Variants in ZSCAN5A observed in about 807,000 individuals in gnomAD.
ZSCAN5A encodes the protein zinc finger and SCAN domain containing 5A, also known as zinc finger and SCAN domain-containing protein 5A.
Under a neutral mutation model 23.7 loss-of-function variants are expected in ZSCAN5A, and 12 were observed. The ratio of observed to expected loss-of-function variants is 0.51; its 90% CI spans 0.32 to 0.82. The LOEUF is 0.82. Ranked by LOEUF, ZSCAN5A falls within the 40% of genes least tolerant of loss-of-function variation. The probability of loss-of-function intolerance (pLI) is 0.03; values close to 1 mark genes in which losing one functional copy is unlikely to be tolerated. For missense variants in ZSCAN5A, 597 were observed against 617.9 expected, an observed-to-expected ratio of 0.97 and a Z score of 0.36; for synonymous variants, 257 against 239.9, an observed-to-expected ratio of 1.07 and a Z score of -0.66.
At chr19:56,321,056 G>C (rs2041370255) in intron 2 of ZSCAN5A, 1 of 704,478 alleles carries the variant, frequency 1.4e-6, no homozygotes, top group African/African-American at 1.7e-5. Context: ...TGGACAACAT[G>C]ATTTCAGGAG....
At chr19:56,243,962 G>T in intron 2 of ZSCAN5A, 1 of 600,420 alleles carries the variant, frequency 1.7e-6, no homozygotes, top group Non-Finnish European at 3.0e-6. Flanking sequence ...ACCAAAGGAG[G>T]CCTGTCTAGA....
chr19:56,292,449 C>A (rs906248373), intron 2 of ZSCAN5A, among the ~76,000 whole-genome samples: 1 of 117,424 alleles, frequency 8.5e-6, no homozygotes, highest in Non-Finnish European at 1.9e-5. Flanking sequence ...GTTTTTTTGT[C>A]TGTTTTTACT....
rs77069682 is a variant in ZSCAN5A, at chr19:56,233,742, T to A, written c.-127-8569A>T. Among the ~76,000 whole-genome samples the A allele has an allele frequency of 8.0e-3, 1,215 of 151,216 alleles. 10 individuals carry two copies. The highest frequency in any genetic ancestry group is 0.026 in the African/African-American group (1,084 of 41,186). On this transcript the variant is annotated intron_variant, in intron 2 of 5. Transcript: ENST00000683990. The stretch of plus-strand genomic sequence containing the variant: ...AGATTTTTTTTTTTTGCCATAAATA[T>A]CAGCAGACACTTCCTGGCACCCCAC...
chr19:56,331,816 C>A (rs2041492358), intron 2 of ZSCAN5A, among the ~76,000 whole-genome samples: 2 of 151,880 alleles, frequency 1.3e-5, no homozygotes, highest in African/African-American at 4.8e-5. Flanking sequence ...GAACTCCTGA[C>A]CTCAGGTGGT....
intron 1 of ZSCAN5A, chr19:56,367,736 A>C (rs1600307309): frequency 1.3e-5 from 2 of 152,264 alleles, no homozygotes; most frequent in East Asian, 3.8e-4. Flanking sequence ...AAGATTAAAC[A>C]ATTAAGAAAA....
At chr19:56,279,693 A>T (rs2038538406) in intron 2 of ZSCAN5A, among the ~76,000 whole-genome samples, 1 of 152,210 alleles carries the variant, frequency 6.6e-6, no homozygotes, top group Non-Finnish European at 1.5e-5. Context: ...ATGCCTGCAG[A>T]TAACATTTTG....
At chr19:56,269,040 G>A (rs1046421984) in intron 2 of ZSCAN5A, among the ~76,000 whole-genome samples, 9 of 152,088 alleles carry the variant, frequency 5.9e-5, no homozygotes, top group South Asian at 2.1e-4. Flanking sequence ...ATGGACATTC[G>A]AATCATTTCC....
chr19:56,332,915 A>G (rs2041502357), intron 2 of ZSCAN5A, among the ~76,000 whole-genome samples: 1 of 152,134 alleles, frequency 6.6e-6, no homozygotes, highest in Admixed American at 6.5e-5. Context: ...TTTGCTTTTG[A>G]AGCCTAGTTT....
intron 2 of ZSCAN5A, among the ~76,000 whole-genome samples, chr19:56,313,041 C>CT (rs2041140458): frequency 6.6e-6 from 1 of 152,214 alleles, no homozygotes; most frequent in Non-Finnish European, 1.5e-5. Flanking sequence ...GACATTCTGA[C>CT]TGAGTTGATA....
At chr19:56,227,256 C>A (rs2034040918) in intron 2 of ZSCAN5A, among the ~76,000 whole-genome samples, 1 of 152,144 alleles carries the variant, frequency 6.6e-6, no homozygotes. Flanking sequence ...GTTTGTAATA[C>A]TACAAAGCAT....
intron 2 of ZSCAN5A, chr19:56,320,245 G>A (rs557726272): frequency 4.1e-5 from 22 of 535,822 alleles, no homozygotes; most frequent in South Asian, 3.7e-4. Context: ...ACAATCCTGA[G>A]TAGGGCTTGC....
intron 2 of ZSCAN5A, among the ~76,000 whole-genome samples, chr19:56,273,159 T>C (rs915559616): frequency 1.3e-5 from 2 of 152,178 alleles, no homozygotes; most frequent in African/African-American, 4.8e-5. Flanking sequence ...TCTGTGACTT[T>C]GGGGAGACAC....
chr19:56,223,859 G>A (rs776232623), intron 3 of ZSCAN5A, 25 bp from the exon 4 acceptor site: 1 of 1,595,596 alleles, frequency 6.3e-7, no homozygotes, highest in Non-Finnish European at 8.5e-7. Flanking sequence ...AAGACAATCA[G>A]ACTCACCATG....
At chr19:56,332,056 A>T (rs910331211) in intron 2 of ZSCAN5A, among the ~76,000 whole-genome samples, 2 of 151,566 alleles carry the variant, frequency 1.3e-5, no homozygotes, top group African/African-American at 4.9e-5. Flanking sequence ...CATGATTTTT[A>T]TTTTTTTTAA....
chr19:56,237,996 C>T (rs984048952), intron 2 of ZSCAN5A, among the ~76,000 whole-genome samples: 6 of 668 alleles, frequency 9.0e-3, no homozygotes, highest in African/African-American at 0.018. Context: ...TACACACATA[C>T]GCACACATAC....
intron 2 of ZSCAN5A, among the ~76,000 whole-genome samples, chr19:56,293,029 T>A (rs558379041): frequency 6.6e-6 from 1 of 152,330 alleles, no homozygotes; most frequent in Admixed American, 6.5e-5. Flanking sequence ...TGGTCCACAT[T>A]CAAAGCCATC....
rs988466779 is a variant in ZSCAN5A at position 56,327,538 on chromosome 19, T to A, written c.-357-11270A>T. Among the ~76,000 whole-genome samples, 3 of 150,890 alleles carry A rather than the reference T, an allele frequency of 2.0e-5. No individual in the cohort carries two copies. In the South Asian group the frequency reaches 6.2e-4, roughly 31 times the overall value. On this transcript the variant is annotated intron_variant, in intron 2 of 6. Coordinates refer to the ZSCAN5A transcript ENST00000587340. The stretch of plus-strand genomic sequence containing the variant: ...CCATATAAGTCATACACATATTGAA[T>A]ATAAATATGCACATTATATTAAATG...
intron 2 of ZSCAN5A, among the ~76,000 whole-genome samples, chr19:56,331,578 CTTTTTT>C (rs68085541): frequency 2.5e-4 from 12 of 48,962 alleles, no homozygotes; most frequent in African/African-American, 1.0e-3. Flanking sequence ...GAATTGCATT[CTTTTTT>C]TTTTTTTTTT....
At chr19:56,229,304 G>A (rs1340279970) in intron 2 of ZSCAN5A, among the ~76,000 whole-genome samples, 3 of 152,132 alleles carry the variant, frequency 2.0e-5, no homozygotes, top group South Asian at 2.1e-4. Context: ...ATCTTAAGCC[G>A]CTTCACTCTG....
Sources: allele counts gnomAD v4.1 joint callset (sites outside exome capture counted in the v4.1 genomes callset), GRCh38; gene constraint gnomAD v4.1.1; transcripts MANE v1.5; gene names NCBI Gene and HGNC (gene_info 2026-07-23, HGNC 2026-07-21).